Variants in ZNF423 observed in about 807,000 individuals in gnomAD.
The protein encoded by ZNF423 is zinc finger protein 423.
In ZNF423, 12 loss-of-function variants were observed where a neutral mutation model predicts 95.8. The ratio of observed to expected loss-of-function variants is 0.13; its 90% confidence interval spans 0.08 to 0.20. The LOEUF is 0.20. Ranked by LOEUF, ZNF423 falls within the 10% of genes least tolerant of loss-of-function variation. The pLI is 1.00. For synonymous variants in ZNF423, 749 were observed against 711.9 expected (o/e 1.05, Z -0.83); for missense variants, 1,316 against 1,737.1 (o/e 0.76, Z 4.31).
At chr16:49,615,824 G>A (rs535304633) in intron 5 of ZNF423, among the ~76,000 whole-genome samples, 18 of 152,322 alleles carry the variant, frequency 1.2e-4, no homozygotes, top group Non-Finnish European at 1.5e-4. Flanking sequence ...GGGAAAGGAC[G>A]TGCTGAGCAG....
At chr16:49,558,283 G>A (rs946894069) in intron 5 of ZNF423, among the ~76,000 whole-genome samples, 2 of 152,166 alleles carry the variant, frequency 1.3e-5, no homozygotes, top group Non-Finnish European at 2.9e-5. Flanking sequence ...TGACTTAAAT[G>A]AGTTAAATAA....
chr16:49,673,073 G>C (rs1026240461), intron 3 of ZNF423, among the ~76,000 whole-genome samples: 1 of 152,102 alleles, frequency 6.6e-6, no homozygotes. Flanking sequence ...TCACCACCCC[G>C]CCGTGGTACA....
intron 5 of ZNF423, among the ~76,000 whole-genome samples, chr16:49,566,423 C>T (rs1970192517): frequency 6.6e-6 from 1 of 152,204 alleles, no homozygotes; most frequent in Admixed American, 6.5e-5. Flanking sequence ...ACTCTCACCC[C>T]ACCTGCAGCC....
intron 3 of ZNF423, among the ~76,000 whole-genome samples, chr16:49,679,623 G>T (rs1290865886): frequency 6.6e-6 from 1 of 152,284 alleles, no homozygotes; most frequent in Non-Finnish European, 1.5e-5. Flanking sequence ...CACCAAGAGG[G>T]AGCTAAGGGT....
intron 3 of ZNF423, among the ~76,000 whole-genome samples, chr16:49,692,495 C>T (rs2031821690): frequency 6.6e-6 from 1 of 151,860 alleles, no homozygotes; most frequent in Admixed American, 6.5e-5. Context: ...CGGTGTTGGA[C>T]CCAAGAACCA....
At chr16:49,688,034 G>A (rs2031631826) in intron 3 of ZNF423, among the ~76,000 whole-genome samples, 1 of 151,032 alleles carries the variant, frequency 6.6e-6, no homozygotes, top group African/African-American at 2.4e-5. Context: ...GTGGGAGCGG[G>A]TGCTGCAGAC....
At position 49,855,274 on chromosome 16, in the gene ZNF423, G is replaced by A. The variant is rs2035349356; in HGVS notation, c.40+461C>T. 6.6e-6 allele frequency among the ~76,000 whole-genome samples: 1 copy of A among 151,306 alleles called. No individual in the cohort carries two copies. Among genetic ancestry groups the A allele is most frequent in the Non-Finnish European group, 1.5e-5 (1 of 67,706 alleles). ...CAGCGAGGCCCGGGGCCAGCGAGGA[G>A]CGGTCGGCCTGCCGGGCGCCCGTCC... is the stretch of plus-strand genomic sequence containing the variant. On this transcript the variant is annotated intron_variant, in intron 1 of 7. Coordinates refer to ENST00000563137, the MANE Select transcript of ZNF423 (RefSeq NM_001379286.1). This position sits in a 1 kb window ranked among gnomAD's most constrained non-coding sequence, Gnocchi z 4.7.
intron 3 of ZNF423, among the ~76,000 whole-genome samples, chr16:49,646,066 G>A (rs1416337126): frequency 6.6e-6 from 1 of 152,206 alleles, no homozygotes; most frequent in Non-Finnish European, 1.5e-5. Flanking sequence ...TTGGAGTCTG[G>A]AGAGGAATCT....
intron 6 of ZNF423, 21 bp downstream of exon 6, chr16:49,525,342 G>A: frequency 6.2e-7 from 1 of 1,613,506 alleles, no homozygotes; most frequent in Non-Finnish European, 8.5e-7. Context: ...TCCCCTGAGG[G>A]GCACAAGCTG....
chr16:49,840,240 C>T (rs1567367449), intron 1 of ZNF423, among the ~76,000 whole-genome samples: 1 of 152,052 alleles, frequency 6.6e-6, no homozygotes, highest in African/African-American at 2.4e-5. Context: ...TTAAGGGCTC[C>T]GAGAAGCCGT....
At chr16:49,555,072 T>A (rs2151759250) in intron 5 of ZNF423, among the ~76,000 whole-genome samples, 1 of 152,288 alleles carries the variant, frequency 6.6e-6, no homozygotes, top group Admixed American at 6.5e-5. Context: ...GTTCATTTCA[T>A]AATTAAATGT....
At chr16:49,666,120 GC>G (rs547445358) in intron 3 of ZNF423, among the ~76,000 whole-genome samples, 115 of 152,248 alleles carry the variant, frequency 7.6e-4, no homozygotes, top group Middle Eastern at 6.8e-3. Flanking sequence ...ACGGAATGCG[GC>G]CCCCCAGATC....
chr16:49,639,596 G>C (rs1972901196), intron 3 of ZNF423, among the ~76,000 whole-genome samples: 1 of 152,130 alleles, frequency 6.6e-6, no homozygotes, highest in Non-Finnish European at 1.5e-5. Context: ...TGTTTTCTTT[G>C]TTCCCACTGC....
rs1000772963 is a variant in ZNF423 at position 49,741,600 on chromosome 16, C to G, written c.101-10629G>C. 1.1e-3 allele frequency among the ~76,000 whole-genome samples: 163 copies of G among 152,252 alleles called. 2 individuals carry two copies. The highest frequency in any genetic ancestry group is 3.8e-3 in the African/African-American group (156 of 41,556). ...TGTTGACTTCAAGTTTTAAGAAACA[C>G]AGTATGGGCTAAACAATATGCCTTG... On this transcript the variant is annotated intron_variant, in intron 2 of 7. Coordinates refer to ENST00000563137, the MANE Select transcript of ZNF423 (RefSeq NM_001379286.1).
intron 3 of ZNF423, among the ~76,000 whole-genome samples, chr16:49,712,121 T>TAAA (rs2032561777): frequency 6.6e-6 from 1 of 152,092 alleles, no homozygotes; most frequent in Non-Finnish European, 1.5e-5. Context: ...TGTCGCTATT[T>TAAA]AAAAAAATAA....
chr16:49,806,824 C>T (rs1471919534), intron 1 of ZNF423, among the ~76,000 whole-genome samples: 1 of 151,692 alleles, frequency 6.6e-6, no homozygotes, highest in Non-Finnish European at 1.5e-5. Flanking sequence ...GTCAGGAGTT[C>T]AAGACCAGCC....
At chr16:49,656,115 G>A (rs956516372) in intron 3 of ZNF423, among the ~76,000 whole-genome samples, 5 of 151,690 alleles carry the variant, frequency 3.3e-5, no homozygotes, top group Non-Finnish European at 7.4e-5. Context: ...GGTGCCCCAC[G>A]TTGGGGCAGT....
chr16:49,846,691 G>C (rs2035249940), intron 1 of ZNF423, among the ~76,000 whole-genome samples: 1 of 152,040 alleles, frequency 6.6e-6, no homozygotes, highest in Non-Finnish European at 1.5e-5. Context: ...CCCACTTCAG[G>C]GCACCTGCTT....
intron 2 of ZNF423, among the ~76,000 whole-genome samples, chr16:49,767,313 G>A (rs1321263678): frequency 6.6e-6 from 1 of 152,094 alleles, no homozygotes; most frequent in Non-Finnish European, 1.5e-5. Flanking sequence ...CAACATGGGG[G>A]ACTTCAAAGC....
Sources: allele counts gnomAD v4.1 joint callset (sites outside exome capture counted in the v4.1 genomes callset), GRCh38; gene constraint gnomAD v4.1.1; non-coding constraint Gnocchi (gnomAD v3.1); transcripts MANE v1.5; gene names NCBI Gene and HGNC (gene_info 2026-07-23, HGNC 2026-07-21).